Variants in RRAS2 observed in about 807,000 individuals in gnomAD.
RRAS2 encodes the protein RAS related 2.
In RRAS2, 7 loss-of-function variants were observed where a neutral mutation model predicts 27.6. The ratio of observed to expected loss-of-function variants is 0.25; its 90% confidence interval spans 0.14 to 0.48. The LOEUF (loss-of-function observed/expected upper bound fraction) is 0.48. Ranked by LOEUF, RRAS2 falls within the 20% of genes least tolerant of loss-of-function variation. The pLI is 0.99. For missense variants in RRAS2, 178 were observed against 256.2 expected, an observed-to-expected ratio of 0.69 and a Z score of 2.08; for synonymous variants, 86 against 90.9, an observed-to-expected ratio of 0.95 and a Z score of 0.31.
At chr11:14,282,259 G>A (rs1405590503) in intron 4 of RRAS2, among the ~76,000 whole-genome samples, 1 of 152,170 alleles carries the variant, frequency 6.6e-6, no homozygotes, top group Non-Finnish European at 1.5e-5. Flanking sequence ...GGTGAGGATG[G>A]AGAAAAGTGT....
At chr11:14,291,919 T>C (rs188844524) in intron 4 of RRAS2, among the ~76,000 whole-genome samples, 1 of 152,324 alleles carries the variant, frequency 6.6e-6, no homozygotes, top group East Asian at 1.9e-4. Context: ...TGATGTTTCT[T>C]GGGAATGGGA....
At chr11:14,300,423 C>G (rs1200679934) in intron 1 of RRAS2, among the ~76,000 whole-genome samples, 1 of 152,070 alleles carries the variant, frequency 6.6e-6, no homozygotes, top group Non-Finnish European at 1.5e-5. Flanking sequence ...ATAAATTAGC[C>G]AGGCATGGTG....
At chr11:14,328,549 C>G (rs990202689) in intron 1 of RRAS2, among the ~76,000 whole-genome samples, 2 of 151,640 alleles carry the variant, frequency 1.3e-5, no homozygotes, top group Non-Finnish European at 2.9e-5. Flanking sequence ...AAGTATAAAT[C>G]AATGTAAAAG....
chr11:14,360,809 T>C, upstream of RRAS2, among the ~76,000 whole-genome samples: 1 of 151,278 alleles, frequency 6.6e-6, no homozygotes, highest in Non-Finnish European at 1.5e-5. Flanking sequence ...TACTCTCCGC[T>C]ACTCCGGAGG....
intron 1 of RRAS2, among the ~76,000 whole-genome samples, chr11:14,299,748 T>A (rs562915690): frequency 5.8e-4 from 88 of 152,192 alleles, no homozygotes; most frequent in Non-Finnish European, 1.1e-3. Context: ...GTGCCTTTTA[T>A]ACAACCACCA....
Position 14,328,725 on chromosome 11 carries a change from C to T in RRAS2, c.108+30038G>A, listed in dbSNP as rs954530679. On this transcript the variant is annotated intron_variant, in intron 1 of 5. Transcript: ENST00000256196. ...TGTTGCCCAGACTGGAGTGCAATGG[C>T]GTGACCTCTGCTCACCGCAACCTCC... 1.2e-3 allele frequency among the ~76,000 whole-genome samples: 177 copies of T among 151,388 alleles called. 1 individual carries two copies. Among genetic ancestry groups the T allele is most frequent in the East Asian group, 2.0e-4 (1 of 5,126 alleles).
In RRAS2 at chr11:14,357,746, T is replaced by A. The variant is rs572412027; in HGVS notation, c.108+1017A>T. Among the ~76,000 whole-genome samples, 97 of 152,340 alleles carry A rather than the reference T, an allele frequency of 6.4e-4. 1 individual carries two copies. Among genetic ancestry groups the A allele is most frequent in the African/African-American group, 2.2e-3 (91 of 41,592 alleles). Reference sequence around the variant, plus strand: ...GACAAAAATATTTCACCGTTCATACTCTAGATACTGTGAAAAATATCCTTG... The same window carrying A: ...GACAAAAATATTTCACCGTTCATACACTAGATACTGTGAAAAATATCCTTG... On this transcript the variant is annotated intron_variant, in intron 1 of 5. Coordinates refer to ENST00000256196, the MANE Select transcript of RRAS2 (RefSeq NM_012250.6).
rs561140522 is a variant in RRAS2 at position 14,325,364 on chromosome 11, T to G, written c.109-29509A>C. Among the ~76,000 whole-genome samples, 22 of 149,366 alleles carry G rather than the reference T, an allele frequency of 1.5e-4. No individual in the cohort carries two copies. In the South Asian group the frequency reaches 4.4e-3, roughly 30 times the overall value. On this transcript the variant is annotated intron_variant, in intron 1 of 5. Coordinates refer to ENST00000256196, the MANE Select transcript of RRAS2 (RefSeq NM_012250.6). ...TCTCGCTCTGTCGCCCACGCTGGAG[T>G]GCAGTGGCGCGATCTTGGCTCACTG...
At chr11:14,314,997 GT>G (rs1384021866) in intron 1 of RRAS2, among the ~76,000 whole-genome samples, 1 of 152,142 alleles carries the variant, frequency 6.6e-6, no homozygotes, top group East Asian at 1.9e-4. Flanking sequence ...GCAAGCACAT[GT>G]TTTAATATTT....
chr11:14,301,464 C>T (rs1241674343), intron 1 of RRAS2, among the ~76,000 whole-genome samples: 1 of 152,148 alleles, frequency 6.6e-6, no homozygotes, highest in Non-Finnish European at 1.5e-5. Context: ...CTCAACACCA[C>T]ATATATCTTA....
chr11:14,328,985 ATGTGTGTG>A (rs201186500), intron 1 of RRAS2, among the ~76,000 whole-genome samples: 4 of 139,700 alleles, frequency 2.9e-5, no homozygotes, highest in African/African-American at 8.0e-5. Context: ...TTTTATATAT[ATGTGTGTG>A]TGTGTGTGTG....
At chr11:14,282,639 T>C (rs1591440431) in intron 4 of RRAS2, among the ~76,000 whole-genome samples, 1 of 140,228 alleles carries the variant, frequency 7.1e-6, no homozygotes, top group East Asian at 2.0e-4. Context: ...GATGAAAAAT[T>C]AGAAAAGCCA....
chr11:14,344,507 G>T (rs1170181318), intron 1 of RRAS2, among the ~76,000 whole-genome samples: 2 of 152,164 alleles, frequency 1.3e-5, no homozygotes, highest in Non-Finnish European at 2.9e-5. Context: ...TCTTTTCCAT[G>T]TGATTTCTGA....
rs1489288204 is a variant in RRAS2 at position 14,358,618 on chromosome 11, CGGCCCCGCGCCCTCCCGCCCCCT to C, written c.108+122_108+144del. 4.1e-6 allele frequency: 4 copies of C among 979,450 alleles called. No homozygotes were observed. Among genetic ancestry groups the C allele is most frequent in the African/African-American group, 1.8e-5 (1 of 57,022 alleles). The allele number at this position is 979,450 out of a possible 1,614,324, so 60.7% of individuals were successfully genotyped here. A position where few individuals can be genotyped will look rare whatever the true frequency, so the allele number is the denominator to read the frequency against. ...TGCGGCCGCAGGGCAGGAGCGTAGT[CGGCCCCGCGCCCTCCCGCCCCCT>C]GGCCCCGGCCCGGGCCCGCGAGGCG... On this transcript the variant is annotated intron_variant, in intron 1 of 5. Coordinates refer to ENST00000256196, the MANE Select transcript of RRAS2 (RefSeq NM_012250.6). This position sits in a 1 kb window ranked among gnomAD's most constrained non-coding sequence, Gnocchi z 5.1.
intron 1 of RRAS2, among the ~76,000 whole-genome samples, chr11:14,316,683 C>T (rs1848115307): frequency 6.6e-6 from 1 of 152,186 alleles, no homozygotes; most frequent in Non-Finnish European, 1.5e-5. Context: ...GTCAAGGCTG[C>T]AGTGAGCTAT....
intron 1 of RRAS2, among the ~76,000 whole-genome samples, chr11:14,332,951 T>A (rs186246184): frequency 1.6e-3 from 242 of 152,318 alleles, no homozygotes; most frequent in African/African-American, 5.7e-3. Flanking sequence ...TTTACAACTT[T>A]TTTCTTATAA....
intron 1 of RRAS2, among the ~76,000 whole-genome samples, chr11:14,323,144 T>C (rs1848262931): frequency 1.3e-5 from 2 of 152,034 alleles, no homozygotes; most frequent in East Asian, 1.9e-4. Flanking sequence ...AAACTCAAAA[T>C]TGATTCAAGA....
chr11:14,332,739 T>C (rs1489335092), intron 1 of RRAS2, among the ~76,000 whole-genome samples: 1 of 152,106 alleles, frequency 6.6e-6, no homozygotes, highest in South Asian at 2.1e-4. Flanking sequence ...CTTGTAATGA[T>C]GGTTACACAA....
Position 14,358,765 on chromosome 11 carries a change from G to A in RRAS2, c.106C>T (p.Gln36Ter). 7.0e-7 allele frequency: 1 copy of A among 1,438,324 alleles called. No individual in the cohort carries two copies. The allele number at this position is 1,438,324 out of a possible 1,614,324, so 89.1% of individuals were successfully genotyped here. A position where few individuals can be genotyped will look rare whatever the true frequency, so the allele number is the denominator to read the frequency against. ...GKSALTIQFI[Q>*]SYFVTDYDPT... ...CCGGGCAGGCCCGCTCCAGGTACCT[G>A]GATGAACTGGATGGTGAGCGCCGAC... Residue 36 changes from glutamine to a stop codon, truncating the protein, a stop_gained and splice_region_variant, in exon 1 of 6, where the codon CAG becomes TAG. Transcript: ENST00000256196. LOFTEE classifies it high-confidence loss of function. This position sits in a 1 kb window ranked among gnomAD's most constrained non-coding sequence, Gnocchi z 5.1.
Sources: allele counts gnomAD v4.1 joint callset (sites outside exome capture counted in the v4.1 genomes callset), GRCh38; gene constraint gnomAD v4.1.1; non-coding constraint Gnocchi (gnomAD v3.1); transcripts MANE v1.5; gene names NCBI Gene and HGNC (gene_info 2026-07-23, HGNC 2026-07-21).